POU6F2: variants seen among roughly 807,000 people sequenced by gnomAD.
The protein encoded by POU6F2 is POU class 6 homeobox 2.
In POU6F2, 31 loss-of-function variants were observed where a neutral mutation model predicts 71.3. The ratio of observed to expected loss-of-function variants is 0.43; its 90% CI spans 0.33 to 0.59. POU6F2 has a LOEUF of 0.59. POU6F2 is among the 20% of genes least tolerant of loss of function. The probability of loss-of-function intolerance (pLI) is 0.04; values close to 1 mark genes in which losing one functional copy is unlikely to be tolerated. For synonymous variants in POU6F2, 347 were observed against 355.7 expected (o/e 0.98, Z 0.27); for missense variants, 783 against 856.8 (o/e 0.91, Z 1.07).
At chr7:39,366,926 T>C (rs981980756) in intron 5 of POU6F2, among the ~76,000 whole-genome samples, 13 of 151,986 alleles carry the variant, frequency 8.6e-5, no homozygotes, top group Middle Eastern at 3.2e-3. Context: ...TTACTTCCGG[T>C]GGCCTCCAGG....
intron 4 of POU6F2, among the ~76,000 whole-genome samples, chr7:39,307,095 C>A (rs34905355): frequency 0.68 from 103,538 of 152,088 alleles, 35,312 homozygotes; most frequent in Admixed American, 0.77. Context: ...TGTTGATTTG[C>A]ATTATAAAAT....
chr7:39,298,296 A>C (rs746042001), intron 4 of POU6F2, among the ~76,000 whole-genome samples: 2 of 152,220 alleles, frequency 1.3e-5, no homozygotes, highest in Non-Finnish European at 2.9e-5. Flanking sequence ...AGAATTTACA[A>C]AGAACTTAAA....
intron 1 of POU6F2, among the ~76,000 whole-genome samples, chr7:38,997,917 A>G (rs1310372713): frequency 6.6e-6 from 1 of 152,228 alleles, no homozygotes; most frequent in East Asian, 1.9e-4. Context: ...CAAAGAGATT[A>G]ACTGATTTGT....
intron 5 of POU6F2, among the ~76,000 whole-genome samples, chr7:39,372,545 A>C (rs188625863): frequency 7.2e-5 from 11 of 152,324 alleles, no homozygotes; most frequent in Non-Finnish European, 1.5e-4. Flanking sequence ...TTTGTTCTGC[A>C]CAAGCCTTCA....
chr7:39,144,982 T>G (rs992212174), intron 2 of POU6F2, among the ~76,000 whole-genome samples: 4 of 152,174 alleles, frequency 2.6e-5, no homozygotes, highest in Non-Finnish European at 5.9e-5. Flanking sequence ...GGCAAGAGAT[T>G]GATGGCTTCT....
intron 9 of POU6F2, among the ~76,000 whole-genome samples, chr7:39,462,167 A>G (rs980842696): frequency 1.5e-4 from 23 of 152,236 alleles, no homozygotes; most frequent in African/African-American, 2.4e-4. Flanking sequence ...CCAATAAAGT[A>G]TGTTGATTTC....
chr7:39,419,184 T>TGTGTATATATACACATATATATAC (rs1787792546), intron 6 of POU6F2, among the ~76,000 whole-genome samples: 1 of 147,038 alleles, frequency 6.8e-6, no homozygotes, highest in Non-Finnish European at 1.5e-5. Flanking sequence ...TACGTATATA[T>TGTGTATATATACACATATATATAC]GTATATATTT....
chr7:39,103,446 C>T (rs118001383), intron 2 of POU6F2, among the ~76,000 whole-genome samples: 4,727 of 152,176 alleles, frequency 0.031, 162 homozygotes, highest in East Asian at 0.21. Flanking sequence ...TTACATGGCC[C>T]AAAGTAGGCA....
intron 1 of POU6F2, among the ~76,000 whole-genome samples, chr7:38,997,315 A>C (rs1338005182): frequency 2.6e-5 from 4 of 151,778 alleles, no homozygotes; most frequent in Non-Finnish European, 5.9e-5. Flanking sequence ...CAGACTCTAC[A>C]CTCTAGTCTA....
chr7:39,058,572 T>G lies in POU6F2; in HGVS notation c.106-27288T>G, dbSNP rs115399058. Among the ~76,000 whole-genome samples the G allele has an allele frequency of 6.9e-3, 1,054 of 152,350 alleles. 10 individuals carry two copies. The highest frequency in any genetic ancestry group is 0.024 in the African/African-American group (1,017 of 41,584). ...ACTCTGCATTCTTGTTTCCAGTGTCTAGTCATTTTCAATCTCTTAATGGTT... is the reference window on the plus strand; with the variant it reads ...ACTCTGCATTCTTGTTTCCAGTGTCGAGTCATTTTCAATCTCTTAATGGTT... On this transcript the variant is annotated intron_variant, in intron 1 of 9. Coordinates refer to ENST00000518318, the MANE Select transcript of POU6F2 (RefSeq NM_001370959.1).
chr7:39,084,235 T>C (rs1791189362), intron 1 of POU6F2, among the ~76,000 whole-genome samples: 1 of 152,188 alleles, frequency 6.6e-6, no homozygotes, highest in Non-Finnish European at 1.5e-5. Context: ...TCACAACCCC[T>C]AATGCCCCAC....
chr7:39,221,333 G>C (rs1327319547), intron 4 of POU6F2, among the ~76,000 whole-genome samples: 1 of 149,976 alleles, frequency 6.7e-6, no homozygotes. Context: ...TACTTGGGAT[G>C]CAGTTTTATG....
At chr7:39,017,489 G>A (rs1468235216) in intron 1 of POU6F2, among the ~76,000 whole-genome samples, 3 of 152,048 alleles carry the variant, frequency 2.0e-5, no homozygotes, top group Admixed American at 1.3e-4. Flanking sequence ...CCCAGCAGCC[G>A]TCTTATGATA....
chr7:39,280,710 C>T (rs1784547674), intron 4 of POU6F2, among the ~76,000 whole-genome samples: 1 of 152,184 alleles, frequency 6.6e-6, no homozygotes, highest in Non-Finnish European at 1.5e-5. Context: ...AGGAAGAAAA[C>T]TAATGCAACC....
chr7:39,154,075 C>T (rs1792813079), intron 2 of POU6F2, among the ~76,000 whole-genome samples: 1 of 152,180 alleles, frequency 6.6e-6, no homozygotes, highest in African/African-American at 2.4e-5. Context: ...CTGTTGTAAA[C>T]ACAATGAATA....
At chr7:39,418,470 A>G (rs1314142303) in intron 6 of POU6F2, among the ~76,000 whole-genome samples, 5 of 152,144 alleles carry the variant, frequency 3.3e-5, no homozygotes, top group African/African-American at 1.2e-4. Context: ...CAGGCAGATC[A>G]CTTCAGGTCA....
intron 1 of POU6F2, among the ~76,000 whole-genome samples, chr7:38,978,859 G>A (rs1788243865): frequency 6.6e-6 from 1 of 152,188 alleles, no homozygotes. Context: ...AAATGGGTCA[G>A]TGAATCTTGC....
intron 2 of POU6F2, among the ~76,000 whole-genome samples, chr7:39,094,727 G>A (rs1190328524): frequency 6.6e-6 from 1 of 151,286 alleles, no homozygotes; most frequent in Non-Finnish European, 1.5e-5. Context: ...AAGCTAAGGG[G>A]TTAATATGAT....
chr7:39,267,210 A>C (rs1344462849), intron 4 of POU6F2, among the ~76,000 whole-genome samples: 1 of 152,206 alleles, frequency 6.6e-6, no homozygotes, highest in Admixed American at 6.5e-5. Flanking sequence ...GCTGTGGAAT[A>C]GGAAAGAGAA....
Sources: allele counts gnomAD v4.1 joint callset (sites outside exome capture counted in the v4.1 genomes callset), GRCh38; gene constraint gnomAD v4.1.1; transcripts MANE v1.5; gene names NCBI Gene and HGNC (gene_info 2026-07-23, HGNC 2026-07-21).